PCAT7: variants seen among roughly 807,000 people sequenced by gnomAD.
The protein encoded by PCAT7 is prostate cancer associated transcript 7.
chr9:94,555,418 ATGGGGAAAAGATGG>A (rs1826993771), intron 1 of PCAT7: 1 of 152,050 alleles, frequency 6.6e-6, no homozygotes, highest in African/African-American at 2.4e-5. Flanking sequence ...CAAAAAGACG[ATGGGGAAAAGATGG>A]TGGGGAAAAA....
Position 94,558,969 on chromosome 9 carries a change from G to A in PCAT7, n.258G>A, listed in dbSNP as rs372407039. The A allele has an allele frequency of 2.7e-5, 43 of 1,614,100 alleles. No individual in the cohort carries two copies. The highest frequency in any genetic ancestry group is 1.6e-4 in the East Asian group (7 of 44,858). ...GCCTGCCTGATTTTTCTGCACACAG[G>A]TGAGATATTCCTGCACATCCTCTGG... On this transcript the variant is annotated splice_region_variant and non_coding_transcript_exon_variant, in exon 2 of 9. Transcript: ENST00000647389.
chr9:94,566,075 C>T (rs1484270555), intron 2 of PCAT7, among the ~76,000 whole-genome samples: 1 of 152,224 alleles, frequency 6.6e-6, no homozygotes, highest in Non-Finnish European at 1.5e-5. Flanking sequence ...TTAATCTTCT[C>T]ATCAAACAAT....
At chr9:94,554,782 T>G (rs1826979779), upstream of PCAT7, among the ~76,000 whole-genome samples, 1 of 152,084 alleles carries the variant, frequency 6.6e-6, no homozygotes, top group African/African-American at 2.4e-5. Flanking sequence ...TGCCCCAGGC[T>G]CCAGGCTCCA....
intron 1 of PCAT7, among the ~76,000 whole-genome samples, chr9:94,557,652 C>T (rs903215994): frequency 7.9e-5 from 12 of 152,194 alleles, no homozygotes; most frequent in African/African-American, 2.7e-4. Flanking sequence ...CCTGGTCCCA[C>T]CCGACACTGC....
At chr9:94,559,904 G>T (rs920154310) in intron 2 of PCAT7, among the ~76,000 whole-genome samples, 1 of 152,118 alleles carries the variant, frequency 6.6e-6, no homozygotes, top group Non-Finnish European at 1.5e-5. Context: ...GAGGCAAAAG[G>T]ATCGCTTGAG....
chr9:94,568,209 C>T (rs1052141275), intron 2 of PCAT7: 4 of 152,064 alleles, frequency 2.6e-5, no homozygotes, highest in Admixed American at 6.5e-5. Flanking sequence ...TCTGGTATCC[C>T]ACTCTTACCT....
chr9:94,558,850 T>A, intron 1 of PCAT7: 1 of 1,261,866 alleles, frequency 7.9e-7, no homozygotes, highest in Non-Finnish European at 1.1e-6. Context: ...TTTTGTATAC[T>A]CATAGCTACC....
chr9:94,571,322 T>C, intron 2 of PCAT7: 1 of 838,480 alleles, frequency 1.2e-6, no homozygotes. Context: ...TGGTTTTGGC[T>C]CCCCAAACTA....
intron 2 of PCAT7, among the ~76,000 whole-genome samples, chr9:94,571,977 C>T (rs1328061987): frequency 6.6e-6 from 1 of 152,186 alleles, no homozygotes; most frequent in Non-Finnish European, 1.5e-5. Context: ...CACTCAACAG[C>T]CCTTTGGGGC....
intron 2 of PCAT7, among the ~76,000 whole-genome samples, chr9:94,560,361 T>A (rs561080565): frequency 3.3e-5 from 5 of 152,178 alleles, no homozygotes; most frequent in African/African-American, 9.7e-5. Context: ...TGGGGTTGGA[T>A]TGAATGGACT....
intron 2 of PCAT7, among the ~76,000 whole-genome samples, chr9:94,564,995 T>C (rs1288227992): frequency 1.3e-5 from 2 of 152,334 alleles, no homozygotes; most frequent in East Asian, 1.9e-4. Context: ...TTCCTAATTA[T>C]ACTGATCTGA....
At chr9:94,564,467 T>C (rs1827156861) in intron 2 of PCAT7, among the ~76,000 whole-genome samples, 2 of 152,220 alleles carry the variant, frequency 1.3e-5, no homozygotes, top group African/African-American at 4.8e-5. Flanking sequence ...CACAATGGAA[T>C]ACTATGCAGC....
At chr9:94,569,455 G>C (rs1827241504) in intron 2 of PCAT7, 1 of 152,244 alleles carries the variant, frequency 6.6e-6, no homozygotes, top group Admixed American at 6.5e-5. Context: ...CATCTGAACA[G>C]TGGCACTCAC....
rs558886069 is a variant in PCAT7, at chr9:94,567,475, C to T, written n.442-5504C>T. 13 of 1,582,450 alleles carry T rather than the reference C, an allele frequency of 8.2e-6. No individual in the cohort carries two copies. In the South Asian group the frequency reaches 1.5e-4, roughly 18 times the overall value. ...GGAAACAAGCCAACCGCACAATCCC[C>T]ACATCAGAGCAGGAGAAGATGGGGG... is the stretch of plus-strand genomic sequence containing the variant. On this transcript the variant is annotated intron_variant and non_coding_transcript_variant, in intron 2 of 8. Coordinates refer to ENST00000647389, the Ensembl canonical transcript of PCAT7.
At chr9:94,566,770 G>A (rs952341569) in intron 2 of PCAT7, among the ~76,000 whole-genome samples, 1 of 152,168 alleles carries the variant, frequency 6.6e-6, no homozygotes, top group Non-Finnish European at 1.5e-5. Flanking sequence ...CATTACAGAT[G>A]GATTAAAGGG....
chr9:94,567,265 C>G, intron 2 of PCAT7: 1 of 1,614,098 alleles, frequency 6.2e-7, no homozygotes, highest in Non-Finnish European at 8.5e-7. Flanking sequence ...GCTTTCTTCA[C>G]TCACCTCAGG....
chr9:94,556,078 A>C (rs937850970), intron 1 of PCAT7, among the ~76,000 whole-genome samples: 1 of 150,800 alleles, frequency 6.6e-6, no homozygotes, highest in Non-Finnish European at 1.5e-5. Context: ...TTTTGGGTAG[A>C]TGGAGAAGGG....
intron 2 of PCAT7, chr9:94,559,281 C>T: frequency 3.0e-6 from 2 of 665,404 alleles, no homozygotes; most frequent in Non-Finnish European, 5.0e-6. Flanking sequence ...TGGGCCCGAG[C>T]TTTAGAGCCT....
intron 3 of PCAT7, among the ~76,000 whole-genome samples, chr9:94,574,159 A>ATACACAATT (rs1431025548): frequency 6.6e-6 from 1 of 152,230 alleles, no homozygotes; most frequent in Non-Finnish European, 1.5e-5. Flanking sequence ...TACTGCATAA[A>ATACACAATT]TACACAATTC....
Sources: gnomAD v4.1 joint callset for allele counts (sites outside exome capture counted in the v4.1 genomes callset) on GRCh38, gnomAD v4.1.1 for gene constraint, MANE v1.5 for transcripts, NCBI Gene and HGNC (gene_info 2026-07-23, HGNC 2026-07-21) for gene names.